ZNF91: variants seen among roughly 807,000 people sequenced by gnomAD.
ZNF91 encodes zinc finger protein 91.
ZNF91 carries 7 observed loss-of-function variants against 12.6 expected under a neutral mutation model. The observed-to-expected ratio is 0.55, with a 90% CI of 0.31 to 1.04. The LOEUF (loss-of-function observed/expected upper bound fraction) is 1.04, where lower values mean the gene tolerates loss of function less well. Among genes scored for constraint, ZNF91 ranks in the 50% least tolerant of loss-of-function variants. The pLI, the probability that ZNF91 is intolerant of heterozygous loss-of-function variation, is 0.05. For missense variants in ZNF91, 1,217 were observed against 1,385.4 expected, an observed-to-expected ratio of 0.88 and a Z score of 1.93; for synonymous variants, 453 against 462.6, an observed-to-expected ratio of 0.98 and a Z score of 0.27.
At position 23,360,680 on chromosome 19, in the gene ZNF91, C is replaced by T. The variant is rs777249867; in HGVS notation, c.2299G>A (p.Glu767Lys). The change falls in exon 4 of 4, where the codon GAG becomes AAG. Residue 767 changes from glutamate to lysine, a missense_variant. Coordinates refer to ENST00000300619, the MANE Select transcript of ZNF91 (RefSeq NM_003430.4). The part of the protein sequence containing the change: ...LTKHKRIHTR[E>K]KPFKCKECGK... Reference sequence around the variant, plus strand: ...CATTCTTTACATTTGAAGGGTTTCTCTCTAGTATGAATTCTTTTATGTTTA... The same window carrying T: ...CATTCTTTACATTTGAAGGGTTTCTTTCTAGTATGAATTCTTTTATGTTTA... The T allele has an allele frequency of 1.2e-6, 2 of 1,613,886 alleles. No individual in the cohort carries two copies. The highest frequency in any genetic ancestry group is 1.7e-6 in the Non-Finnish European group (2 of 1,179,910).
In ZNF91 at chr19:23,358,850, A is replaced by G; in HGVS notation, c.*553T>C. The G allele has an allele frequency of 5.9e-6, 1 of 169,632 alleles. No homozygotes were observed. Among genetic ancestry groups the G allele is most frequent in the Non-Finnish European group, 1.4e-5 (1 of 73,548 alleles). The allele number at this position is 169,632 out of a possible 1,614,324, so 10.5% of individuals were successfully genotyped here. A position where few individuals can be genotyped will look rare whatever the true frequency, so the allele number is the denominator to read the frequency against. ...TTTGACTTGTCAAAAGCGTTGGCAC[A>G]TCTTTCAGGTTTGTAGAGTTTCTCT... is the stretch of plus-strand genomic sequence containing the variant. On this transcript the variant is annotated 3_prime_UTR_variant, in exon 4 of 4. Coordinates refer to ENST00000300619, the MANE Select transcript of ZNF91 (RefSeq NM_003430.4).
rs535886804 is a variant in ZNF91, at chr19:23,395,345, T to A, written c.10A>T (p.Thr4Ser). The A allele has an allele frequency of 1.2e-6, 2 of 1,613,764 alleles. No individual in the cohort carries two copies. The highest frequency in any genetic ancestry group is 2.2e-5 in the South Asian group (2 of 91,058). MPG[T>S]PGSLEMGLLT... is the part of the protein sequence containing the mutation. ...CTCACCATTTCTAGGCTTCCAGGGG[T>A]TCCTGGCATCTTAGCTGTGGCTCTC... Residue 4 changes from threonine (T) to serine (S), a missense_variant, in exon 1 of 4, where the codon ACC becomes TCC. By Grantham distance (58) the Thr-to-Ser change is moderately conservative (BLOSUM62 1). Around this residue, in one of 2 missense-constraint regions of ZNF91, gnomAD observed 726 missense variants for 895.5 expected, o/e 0.81. Coordinates refer to ENST00000300619, the MANE Select transcript of ZNF91 (RefSeq NM_003430.4).
intron 1 of ZNF91, among the ~76,000 whole-genome samples, chr19:23,323,774 CTTCTCT>C (rs1967775436): frequency 2.2e-5 from 3 of 138,184 alleles, no homozygotes; most frequent in East Asian, 2.0e-4. Context: ...TCGTCTCCTC[CTTCTCT>C]TTCTTCTTCC....
At chr19:23,343,919 C>A (rs531784850) in intron 3 of ZNF91, among the ~76,000 whole-genome samples, 1 of 151,938 alleles carries the variant, frequency 6.6e-6, no homozygotes, top group Non-Finnish European at 1.5e-5. Flanking sequence ...GAAAGTCTCT[C>A]GAAAATACCT....
chr19:23,357,888 C>T lies in ZNF91; in HGVS notation c.*1515G>A, dbSNP rs896472711. The T allele has an allele frequency of 2.6e-5, 4 of 151,826 alleles. No individual in the cohort carries two copies. The highest frequency in any genetic ancestry group is 1.3e-4 in the Admixed American group (2 of 15,258). 9.4% of individuals were successfully genotyped at this position (151,826 alleles called of 1,614,324 possible). A position where few individuals can be genotyped will look rare whatever the true frequency, so the allele number is the denominator to read the frequency against. On this transcript the variant is annotated 3_prime_UTR_variant, in exon 4 of 4. Transcript: ENST00000300619. ...ATGCGATTGTTATATATTGTGTGTC[C>T]GTATCAAAATATGCCACATATGGCA...
chr19:23,308,129 G>A (rs1967422005), intron 2 of ZNF91: 2 of 151,736 alleles, frequency 1.3e-5, no homozygotes, highest in Admixed American at 1.3e-4. Flanking sequence ...TTTTTGCCTG[G>A]GCCCTGCATA....
chr19:23,358,539 T>C lies in ZNF91; in HGVS notation c.*864A>G, dbSNP rs1345326147. 2.0e-5 allele frequency: 3 copies of C among 152,254 alleles called. No individual in the cohort carries two copies. The highest frequency in any genetic ancestry group is 4.4e-5 in the Non-Finnish European group (3 of 68,058). 9.4% of individuals were successfully genotyped at this position (152,254 alleles called of 1,614,324 possible). On this transcript the variant is annotated 3_prime_UTR_variant, in exon 4 of 4. Coordinates refer to ENST00000300619, the MANE Select transcript of ZNF91 (RefSeq NM_003430.4). The stretch of plus-strand genomic sequence containing the variant: ...TTTCTGATCAGTCGTTTGACAGTAA[T>C]TACACTTCTTATTTAGTATGAACGC...
rs1014887657 is a variant in ZNF91 at position 23,357,756 on chromosome 19, TCAA to T, written c.*1644_*1646del. On this transcript the variant is annotated 3_prime_UTR_variant, in exon 4 of 4. Transcript: ENST00000300619. ...TATGACCATAAAAATAATCCTGTAG[TCAA>T]CAACAATTTAATTGTACATTTAAAA... The T allele has an allele frequency of 6.6e-5, 10 of 152,242 alleles. No individual in the cohort carries two copies. The highest frequency in any genetic ancestry group is 1.2e-4 in the African/African-American group (5 of 41,578). The allele number at this position is 152,242 out of a possible 1,614,324, so 9.4% of individuals were successfully genotyped here.
At chr19:23,335,705 T>A (rs1967995064), downstream of ZNF91, among the ~76,000 whole-genome samples, 1 of 152,142 alleles carries the variant, frequency 6.6e-6, no homozygotes, top group Non-Finnish European at 1.5e-5. Context: ...GTGTCCCAAT[T>A]TTCCAAGTAC....
rs188927670 is a variant in ZNF91 at position 23,360,305 on chromosome 19, T to C, written c.2674A>G (p.Ile892Val). 3.1e-6 allele frequency: 5 copies of C among 1,613,804 alleles called. No individual in the cohort carries two copies. The highest frequency in any genetic ancestry group is 1.3e-5 in the African/African-American group (1 of 74,908). ...TGTTCAGTAAGGGTTGAGGACCAGA[T>C]AAATGCTTTGTCACATTCTTCACTC... is the stretch of plus-strand genomic sequence containing the variant. The part of the protein sequence containing the change: ...SKSEECDKAF[I>V]WSSTLTEHKR... The change falls in exon 4 of 4, where the codon ATC (isoleucine) becomes GTC (valine). Residue 892 changes from isoleucine to valine, a missense_variant. Ile to Val is a conservative substitution (Grantham distance 29). Around this residue, in one of 2 missense-constraint regions of ZNF91, gnomAD observed 491 missense variants for 489.8 expected, o/e 1.00. Coordinates refer to ENST00000300619, the MANE Select transcript of ZNF91 (RefSeq NM_003430.4).
intron 1 of ZNF91, among the ~76,000 whole-genome samples, chr19:23,389,624 C>A (rs1288646252): frequency 2.0e-5 from 3 of 152,124 alleles, no homozygotes; most frequent in Non-Finnish European, 4.4e-5. Flanking sequence ...GCTGGAATCA[C>A]AGAACAAGGG....
At chr19:23,365,090 C>T (rs1968948646) in intron 3 of ZNF91, among the ~76,000 whole-genome samples, 1 of 150,858 alleles carries the variant, frequency 6.6e-6, no homozygotes, top group African/African-American at 2.4e-5. Context: ...ATTAAAAAAT[C>T]TTAGAAGAAG....
Position 23,361,741 on chromosome 19 carries a change from T to C in ZNF91, c.1238A>G (p.Lys413Arg), listed in dbSNP as rs539107213. The C allele has an allele frequency of 5.0e-6, 8 of 1,611,114 alleles. No homozygotes were observed. The highest frequency in any genetic ancestry group is 3.3e-5 in the South Asian group (3 of 90,958). The change falls in exon 4 of 4, where the codon AAA (lysine) becomes AGA (arginine). Residue 413 changes from lysine to arginine, a missense_variant. By Grantham distance (26) the Lys-to-Arg change is conservative (BLOSUM62 2). Around this residue, in one of 2 missense-constraint regions of ZNF91, gnomAD observed 726 missense variants for 895.5 expected, o/e 0.81. Coordinates refer to ENST00000300619, the MANE Select transcript of ZNF91 (RefSeq NM_003430.4). ...AAGATTTGAAGATCGATTAAAAGCT[T>C]TGCCACATTCTTCACATTTGTAGAG... ...EKLYKCEECG[K>R]AFNRSSNLTI...
At chr19:23,313,485 AG>A (rs573560143), upstream of ZNF91, among the ~76,000 whole-genome samples, 27 of 152,306 alleles carry the variant, frequency 1.8e-4, no homozygotes, top group South Asian at 5.6e-3. Context: ...CCCGGAAGCC[AG>A]GTGATGTGTC....
At chr19:23,327,179 T>A (rs534337566) in intron 1 of ZNF91, 24 of 152,308 alleles carry the variant, frequency 1.6e-4, no homozygotes, top group African/African-American at 5.3e-4. Flanking sequence ...AGGGTATAAA[T>A]CTTGCTTGAT....
chr19:23,346,107 A>G (rs295388), intron 3 of ZNF91, among the ~76,000 whole-genome samples: 15,741 of 152,096 alleles, frequency 0.1, 1,250 homozygotes, highest in East Asian at 0.37. Flanking sequence ...TAGAGTTCAC[A>G]TTCCCTTCTC....
chr19:23,313,444 C>A (rs1037454971), upstream of ZNF91, among the ~76,000 whole-genome samples: 15 of 152,338 alleles, frequency 9.8e-5, no homozygotes, highest in Admixed American at 2.0e-4. Flanking sequence ...TTATGTTCTT[C>A]CCTCAGGGGA....
Position 23,360,425 on chromosome 19 carries a change from T to C in ZNF91, c.2554A>G (p.Lys852Glu). Reference protein sequence around the residue: ...AKHKIIHAGEKLYKCEECGKA... With the variant: ...AKHKIIHAGEELYKCEECGKA... ...CCACATTCCTCACATTTGTAGAGTT[T>C]CTCTCCAGCATGTATTATTTTATGT... The change falls in exon 4 of 4, where the codon AAA (lysine) becomes GAA (glutamate). Residue 852 changes from lysine to glutamate, a missense_variant. Physicochemically the swap from Lys to Glu is moderately conservative, Grantham distance 56. Coordinates refer to ENST00000300619, the MANE Select transcript of ZNF91 (RefSeq NM_003430.4). 1 of 1,614,122 alleles carries C rather than the reference T, an allele frequency of 6.2e-7. No homozygotes were observed. The highest frequency in any genetic ancestry group is 1.1e-5 in the South Asian group (1 of 91,084).
At chr19:23,382,433 G>C (rs185462984) in intron 1 of ZNF91, among the ~76,000 whole-genome samples, 410 of 152,262 alleles carry the variant, frequency 2.7e-3, no homozygotes, top group Non-Finnish European at 3.9e-3. Flanking sequence ...ATAATAGTGG[G>C]AGACTACAAC....
Sources: gnomAD v4.1 joint callset for allele counts (sites outside exome capture counted in the v4.1 genomes callset) on GRCh38, gnomAD v4.1.1 for gene constraint, gnomAD v4.1.1 regional missense constraint, MANE v1.5 for transcripts, NCBI Gene and HGNC (gene_info 2026-07-23, HGNC 2026-07-21) for gene names.